Variants in PTPRN2 observed in about 807,000 individuals in gnomAD.
PTPRN2 encodes receptor-type tyrosine-protein phosphatase N2.
A neutral mutation model predicts 118.8 loss-of-function variants in PTPRN2; 74 were observed. That is an observed-to-expected ratio of 0.62 (90% confidence interval 0.52 to 0.76). The LOEUF is 0.76. Among genes scored for constraint, PTPRN2 ranks in the 30% least tolerant of loss-of-function variants. PTPRN2 has a pLI of 0.00. For missense variants in PTPRN2, 1,481 were observed against 1,394.4 expected, an observed-to-expected ratio of 1.06 and a Z score of -0.99; for synonymous variants, 641 against 608.0, an observed-to-expected ratio of 1.05 and a Z score of -0.80.
At chr7:157,730,188 G>GC (rs60143150) in intron 12 of PTPRN2, among the ~76,000 whole-genome samples, 84,210 of 150,618 alleles carry the variant, frequency 0.56, 23,917 homozygotes, top group East Asian at 0.71. Flanking sequence ...CACCACCCCT[G>GC]CCCCCCCCCG....
intron 2 of PTPRN2, among the ~76,000 whole-genome samples, chr7:158,387,518 G>T: frequency 6.6e-6 from 1 of 152,306 alleles, no homozygotes; most frequent in African/African-American, 2.4e-5. Context: ...ATGTTGGAAA[G>T]CACTCTCTGG....
intron 11 of PTPRN2, among the ~76,000 whole-genome samples, chr7:158,024,516 C>CT (rs1807126153): frequency 6.6e-6 from 1 of 152,192 alleles, no homozygotes; most frequent in Non-Finnish European, 1.5e-5. Flanking sequence ...ACAGGGCACC[C>CT]GTGCAGCTGT....
At chr7:158,180,250 G>C (rs74749299) in intron 5 of PTPRN2, among the ~76,000 whole-genome samples, 1,757 of 152,290 alleles carry the variant, frequency 0.012, 26 homozygotes, top group African/African-American at 0.041. Context: ...CCCAGTTTAT[G>C]GTTTTCTATG....
chr7:157,721,448 C>T (rs1799226153), intron 12 of PTPRN2, among the ~76,000 whole-genome samples: 3 of 152,328 alleles, frequency 2.0e-5, no homozygotes, highest in South Asian at 4.1e-4. Flanking sequence ...TGTCAGGGGA[C>T]GAGTGTCCAT....
intron 14 of PTPRN2, among the ~76,000 whole-genome samples, chr7:157,631,981 C>G (rs1803991485): frequency 6.6e-6 from 1 of 152,130 alleles, no homozygotes; most frequent in Admixed American, 6.5e-5. Context: ...TGATCACAGA[C>G]CTTACGTACT....
At position 157,917,544 on chromosome 7, in the gene PTPRN2, T is replaced by C. The variant is rs936780450; in HGVS notation, c.1724-18807A>G. Reference sequence around the variant, plus strand: ...ATAGCGGCAGGCTGGGAAAAGCTAATGTCAGCTCCAATTTCCAAGTCATTT... The same window carrying C: ...ATAGCGGCAGGCTGGGAAAAGCTAACGTCAGCTCCAATTTCCAAGTCATTT... On this transcript the variant is annotated intron_variant, in intron 11 of 22. Transcript: ENST00000389418. Among the ~76,000 whole-genome samples the C allele has an allele frequency of 1.2e-4, 18 of 152,224 alleles. No homozygotes were observed. The East Asian group carries it at 3.5e-3, about 29-fold the overall frequency.
At chr7:157,858,102 A>C (rs577160015) in intron 12 of PTPRN2, among the ~76,000 whole-genome samples, 7 of 114,058 alleles carry the variant, frequency 6.1e-5, no homozygotes, top group African/African-American at 2.2e-4. Context: ...ACACTCCTGC[A>C]GGGAGAGCCT....
chr7:157,986,250 T>C lies in PTPRN2; in HGVS notation c.1724-87513A>G, dbSNP rs557907359. On this transcript the variant is annotated intron_variant, in intron 11 of 22. Transcript: ENST00000389418. This position sits in a 1 kb window ranked among gnomAD's most constrained non-coding sequence, Gnocchi z 4.5. ...CTGCCTCTGACGAGTCACTGTTGGA[T>C]GTGAGGCAACGTGAAGGCTCCACCA... Among the ~76,000 whole-genome samples the C allele has an allele frequency of 1.1e-4, 16 of 152,294 alleles. No homozygotes were observed. Among genetic ancestry groups the C allele is most frequent in the African/African-American group, 3.8e-4 (16 of 41,576 alleles).
chr7:158,055,850 G>T (rs926358592), intron 11 of PTPRN2, among the ~76,000 whole-genome samples: 2 of 142,706 alleles, frequency 1.4e-5, no homozygotes, highest in African/African-American at 5.5e-5. Context: ...GGTGGTAGTT[G>T]TCCCCAGGGC....
intron 12 of PTPRN2, among the ~76,000 whole-genome samples, chr7:157,828,836 G>A (rs140476619): frequency 3.9e-5 from 6 of 152,204 alleles, no homozygotes; most frequent in African/African-American, 1.4e-4. Context: ...TTTTAACAAC[G>A]CCACTCAGTT....
chr7:157,683,588 T>C (rs1797016518), intron 12 of PTPRN2, among the ~76,000 whole-genome samples: 1 of 152,078 alleles, frequency 6.6e-6, no homozygotes, highest in South Asian at 2.1e-4. Context: ...TGCACCTACG[T>C]ATTTTTCCTT....
At chr7:158,072,908 C>T (rs1812050562) in intron 11 of PTPRN2, among the ~76,000 whole-genome samples, 1 of 152,186 alleles carries the variant, frequency 6.6e-6, no homozygotes, top group Non-Finnish European at 1.5e-5. Flanking sequence ...CAATTCATGT[C>T]TCAAGACCTG....
At position 158,192,387 on chromosome 7, in the gene PTPRN2, C is replaced by T; in HGVS notation, c.489G>A (p.Gln163=). The T allele has an allele frequency of 2.0e-6, 3 of 1,530,742 alleles. No individual in the cohort carries two copies. Among genetic ancestry groups the T allele is most frequent in the Non-Finnish European group, 2.6e-6 (3 of 1,150,360 alleles). The allele number at this position is 1,530,742 out of a possible 1,614,324, so 94.8% of individuals were successfully genotyped here. A position where few individuals can be genotyped will look rare whatever the true frequency, so the allele number is the denominator to read the frequency against. ...TGGCGAGCACGTCTGAGGCTGGGGC[C>T]TGGGACAGGGCCTCCAGGAAGGGCA... ...RHLPFLEALS[Q]APASDVLART... Residue 163 remains glutamine (Q), a synonymous_variant, in exon 5 of 23, where the codon CAG becomes CAA. Coordinates refer to ENST00000389418, the MANE Select transcript of PTPRN2 (RefSeq NM_002847.5).
chr7:158,569,593 G>A (rs1401048284), intron 1 of PTPRN2, among the ~76,000 whole-genome samples: 3 of 152,332 alleles, frequency 2.0e-5, no homozygotes, highest in Non-Finnish European at 2.9e-5. Flanking sequence ...AGCTCCCAGC[G>A]GCCTCGAGGG....
At position 157,845,348 on chromosome 7, in the gene PTPRN2, G is replaced by A. The variant is rs966853519; in HGVS notation, c.1788+53325C>T. Among the ~76,000 whole-genome samples, 7 of 151,940 alleles carry A rather than the reference G, an allele frequency of 4.6e-5. No homozygotes were observed. The highest frequency in any genetic ancestry group is 2.1e-4 in the South Asian group (1 of 4,808). ...CGCCCTCTTTTCCCTGGTGAATCAC[G>A]CAGCCTAACTCACCATGTTCCCGGC... On this transcript the variant is annotated intron_variant, in intron 12 of 22. Coordinates refer to ENST00000389418, the MANE Select transcript of PTPRN2 (RefSeq NM_002847.5). This position sits in a 1 kb window ranked among gnomAD's most constrained non-coding sequence, Gnocchi z 4.5.
intron 2 of PTPRN2, among the ~76,000 whole-genome samples, chr7:158,331,394 C>T (rs1485197101): frequency 6.9e-6 from 1 of 145,306 alleles, no homozygotes; most frequent in African/African-American, 2.7e-5. Context: ...CACACCCACA[C>T]TCTCACCATA....
Position 158,038,680 on chromosome 7 carries a change from T to C in PTPRN2, c.1723+42618A>G, listed in dbSNP as rs147918848. Among the ~76,000 whole-genome samples the C allele has an allele frequency of 4.9e-3, 725 of 149,236 alleles. 7 individuals are homozygous for C. Among genetic ancestry groups the C allele is most frequent in the African/African-American group, 0.017 (681 of 41,026 alleles). ...CATTTCTATATAAATATGGTCTACA[T>C]ATATATTTATATGTAACATGTATAT... is the stretch of plus-strand genomic sequence containing the variant. On this transcript the variant is annotated intron_variant, in intron 11 of 22. Transcript: ENST00000389418.
At position 157,895,774 on chromosome 7, in the gene PTPRN2, C is replaced by T. The variant is rs182109179; in HGVS notation, c.1788+2899G>A. On this transcript the variant is annotated intron_variant, in intron 12 of 22. Transcript: ENST00000389418. ...CCTGCCTAATCAAATGCTGTGGAGG[C>T]GTCAGGACCGTGATGGGAATGAGAG... Among the ~76,000 whole-genome samples, 8 of 152,152 alleles carry T rather than the reference C, an allele frequency of 5.3e-5. No individual in the cohort carries two copies. The East Asian group carries it at 1.6e-3, about 29-fold the overall frequency.
Position 158,203,598 on chromosome 7 carries a change from C to CG in PTPRN2, c.380+1572_380+1573insC, listed in dbSNP as rs1460859430. Among the ~76,000 whole-genome samples the CG allele has an allele frequency of 1.3e-4, 20 of 151,936 alleles. No individual in the cohort carries two copies. The East Asian group carries it at 3.5e-3, about 27-fold the overall frequency. The stretch of plus-strand genomic sequence containing the variant: ...AGCTTCTGTTTGCCCTGTTCTGCAC[C>CG]CCCCCAGAGTGAGGAGGAGCCATCC... On this transcript the variant is annotated intron_variant, in intron 4 of 22. Transcript: ENST00000389418.
Sources: allele counts gnomAD v4.1 joint callset (sites outside exome capture counted in the v4.1 genomes callset), GRCh38; gene constraint gnomAD v4.1.1; non-coding constraint Gnocchi (gnomAD v3.1); transcripts MANE v1.5; gene names NCBI Gene and HGNC (gene_info 2026-07-23, HGNC 2026-07-21).